Variants in GDAP1 observed in about 807,000 individuals in gnomAD.
The protein encoded by GDAP1 is ganglioside induced differentiation associated protein 1, also known as ganglioside-induced differentiation-associated protein 1.
GDAP1 carries 34 observed loss-of-function variants against 40.1 expected under a neutral mutation model. That is an observed-to-expected ratio of 0.85 (90% confidence interval 0.64 to 1.13). The LOEUF (loss-of-function observed/expected upper bound fraction) is 1.13, where lower values mean the gene tolerates loss of function less well. GDAP1 is among the 50% of genes most tolerant of loss of function. The pLI, the probability that GDAP1 is intolerant of heterozygous loss-of-function variation, is 0.00. For missense variants in GDAP1, 374 were observed against 433.7 expected (o/e 0.86, Z 1.22); for synonymous variants, 170 against 157.4 (o/e 1.08, Z -0.60).
chr8:74,362,474 A>G lies in GDAP1; in HGVS notation c.580-465A>G, dbSNP rs557955643. On this transcript the variant is annotated intron_variant, in intron 4 of 5. Transcript: ENST00000220822. ...CCTCCCCAACTTCCCACCTTCCTTT[A>G]TCCTATCGTAGCTAAACGAGCTCCT... Among the ~76,000 whole-genome samples, 14 of 152,172 alleles carry G rather than the reference A, an allele frequency of 9.2e-5. 1 individual carries two copies. In the South Asian group the frequency reaches 2.7e-3, roughly 29 times the overall value.
At position 74,365,192 on chromosome 8, in the gene GDAP1, A is replaced by G. The variant is rs987980567; in HGVS notation, c.*825A>G. 13 of 453,974 alleles carry G rather than the reference A, an allele frequency of 2.9e-5. No individual in the cohort carries two copies. The highest frequency in any genetic ancestry group is 2.2e-4 in the African/African-American group (11 of 50,002). 28.1% of individuals were successfully genotyped at this position (453,974 alleles called of 1,614,324 possible). On this transcript the variant is annotated 3_prime_UTR_variant, in exon 6 of 6. Coordinates refer to ENST00000220822, the MANE Select transcript of GDAP1 (RefSeq NM_018972.4). Reference sequence around the variant, plus strand: ...TATTGGCTGGGTAGTGGGTATTTTGATGATCTGGGAGCACCAAATATGTTC... The same window carrying G: ...TATTGGCTGGGTAGTGGGTATTTTGGTGATCTGGGAGCACCAAATATGTTC...
intron 2 of GDAP1, among the ~76,000 whole-genome samples, chr8:74,466,943 G>A (rs1301041588): frequency 6.6e-6 from 1 of 152,128 alleles, no homozygotes; most frequent in Non-Finnish European, 1.5e-5. Flanking sequence ...CTGCTGAAAG[G>A]GAAGAATTAC....
At chr8:74,443,980 G>GTCTATCTATCTATCTATCTA (rs34362360) in intron 2 of GDAP1, among the ~76,000 whole-genome samples, 4 of 147,308 alleles carry the variant, frequency 2.7e-5, no homozygotes, top group Admixed American at 6.9e-5. Context: ...CTTTCTGTCT[G>GTCTATCTATCTATCTATCTA]TCTATCTATC....
intron 2 of GDAP1, among the ~76,000 whole-genome samples, chr8:74,413,076 A>AAAAAG (rs1206465081): frequency 6.8e-6 from 1 of 147,388 alleles, no homozygotes; most frequent in Non-Finnish European, 1.5e-5. Flanking sequence ...AAAAAAAAAA[A>AAAAAG]AAAAAAAAAA....
intron 3 of GDAP1, among the ~76,000 whole-genome samples, chr8:74,360,963 C>G (rs933543709): frequency 1.3e-5 from 2 of 152,176 alleles, no homozygotes; most frequent in Non-Finnish European, 2.9e-5. Context: ...CTTCTAAATC[C>G]AGAAACCATG....
At chr8:74,372,604 T>G (rs1809773911) in intron 2 of GDAP1, among the ~76,000 whole-genome samples, 1 of 152,214 alleles carries the variant, frequency 6.6e-6, no homozygotes, top group African/African-American at 2.4e-5. Flanking sequence ...TCGCCCACTT[T>G]TTGATGGGGT....
At chr8:74,367,683 C>G (rs942472810), downstream of GDAP1, among the ~76,000 whole-genome samples, 1 of 152,188 alleles carries the variant, frequency 6.6e-6, no homozygotes, top group African/African-American at 2.4e-5. Context: ...TACTCCAGAA[C>G]AGTTGTTTTA....
intron 2 of GDAP1, among the ~76,000 whole-genome samples, chr8:74,418,850 C>T (rs1805820113): frequency 8.2e-6 from 1 of 122,046 alleles, no homozygotes; most frequent in Admixed American, 7.7e-5. Context: ...ACAAACTATT[C>T]AATTAAAAAA....
intron 2 of GDAP1, among the ~76,000 whole-genome samples, chr8:74,423,295 TATG>T (rs1421723554): frequency 1.4e-5 from 2 of 147,320 alleles, no homozygotes; most frequent in Non-Finnish European, 3.0e-5. Flanking sequence ...TGATATGTGA[TATG>T]TATACTATAT....
chr8:74,441,125 A>G (rs1185362870), intron 2 of GDAP1, among the ~76,000 whole-genome samples: 3 of 152,148 alleles, frequency 2.0e-5, no homozygotes, highest in African/African-American at 7.2e-5. Context: ...CAACTCAACC[A>G]GTTTGTATTT....
chr8:74,483,962 A>G (rs1446070670), intron 2 of GDAP1, among the ~76,000 whole-genome samples: 3 of 152,204 alleles, frequency 2.0e-5, no homozygotes, highest in Non-Finnish European at 4.4e-5. Context: ...AGGAACTAAT[A>G]TAGTGAGGAG....
intron 2 of GDAP1, among the ~76,000 whole-genome samples, chr8:74,402,586 C>T (rs1337093323): frequency 6.7e-6 from 1 of 150,234 alleles, no homozygotes. Context: ...TTCTGGCACT[C>T]CCTAGTGAGA....
rs1327271536 is a variant in GDAP1 at position 74,451,364 on chromosome 8, C to T, written c.166-37314C>T. On this transcript the variant is annotated intron_variant, in intron 2 of 2. Coordinates refer to the GDAP1 transcript ENST00000523640. ...ACTCAGGAGGCTGAGGCAGGAGAAT[C>T]GCTTGAACCCAGGTGGTGGAGGTGG... Among the ~76,000 whole-genome samples, 21 of 78,432 alleles carry T rather than the reference C, an allele frequency of 2.7e-4. 8 individuals carry two copies. The highest frequency in any genetic ancestry group is 1.9e-3 in the South Asian group (3 of 1,594). The allele number at this position is 78,432 out of a possible 152,430, so 51.5% of individuals were successfully genotyped here.
intron 2 of GDAP1, among the ~76,000 whole-genome samples, chr8:74,356,030 A>C (rs1378033796): frequency 6.6e-6 from 1 of 152,168 alleles, no homozygotes; most frequent in Admixed American, 6.6e-5. Context: ...TTATATTAAA[A>C]ATAGTTATTT....
chr8:74,411,011 C>G (rs900385405), intron 2 of GDAP1, among the ~76,000 whole-genome samples: 1 of 149,866 alleles, frequency 6.7e-6, no homozygotes, highest in East Asian at 1.9e-4. Context: ...AGGTTTCCCT[C>G]TTGCTGTTCT....
At chr8:74,392,852 G>T (rs193244297) in intron 2 of GDAP1, among the ~76,000 whole-genome samples, 1 of 152,198 alleles carries the variant, frequency 6.6e-6, no homozygotes, top group Non-Finnish European at 1.5e-5. Flanking sequence ...AGAAGGAGCC[G>T]TGTATGGAAG....
At chr8:74,405,266 A>G (rs1054927475) in intron 2 of GDAP1, among the ~76,000 whole-genome samples, 1 of 150,076 alleles carries the variant, frequency 6.7e-6, no homozygotes, top group Non-Finnish European at 1.5e-5. Flanking sequence ...CCATGATTCA[A>G]TTATTTCCAC....
At chr8:74,440,559 A>G (rs1411731624) in intron 2 of GDAP1, among the ~76,000 whole-genome samples, 2 of 151,112 alleles carry the variant, frequency 1.3e-5, no homozygotes, top group Non-Finnish European at 2.9e-5. Flanking sequence ...TTGAGTCAGC[A>G]TATACCCAGA....
intron 2 of GDAP1, among the ~76,000 whole-genome samples, chr8:74,416,896 T>C (rs922838785): frequency 3.4e-5 from 5 of 146,832 alleles, no homozygotes; most frequent in South Asian, 2.1e-4. Context: ...TTTCCACTTA[T>C]GAAAAGTTTT....
Sources: allele counts gnomAD v4.1 joint callset (sites outside exome capture counted in the v4.1 genomes callset), GRCh38; gene constraint gnomAD v4.1.1; transcripts MANE v1.5; gene names NCBI Gene and HGNC (gene_info 2026-07-23, HGNC 2026-07-21).